The following TRAPPC4 variants were observed in gnomAD, a reference collection of about 807,000 sequenced individuals.
The protein encoded by TRAPPC4 is TRS23 homolog.
In TRAPPC4, 30 loss-of-function variants were observed where a neutral mutation model predicts 23.5. That is an observed-to-expected ratio of 1.28 (90% CI 0.96 to 1.73). The LOEUF is 1.73. Ranked by LOEUF, TRAPPC4 falls within the 40% of genes most tolerant of loss-of-function variation. TRAPPC4 has a pLI of 0.00. For synonymous variants in TRAPPC4, 129 were observed against 105.3 expected, an observed-to-expected ratio of 1.23 and a Z score of -1.38; for missense variants, 252 against 268.9, an observed-to-expected ratio of 0.94 and a Z score of 0.44.
chr11:119,019,012 G>A (rs1170931849), intron 1 of TRAPPC4, 42 bp downstream of exon 1: 1 of 1,601,720 alleles, frequency 6.2e-7, no homozygotes, highest in Non-Finnish European at 8.5e-7. Context: ...GGGGTGGGAG[G>A]GCCCCAGTGC....
chr11:119,022,174 A>G (rs1391070877), intron 4 of TRAPPC4, among the ~76,000 whole-genome samples: 1 of 152,096 alleles, frequency 6.6e-6, no homozygotes, highest in African/African-American at 2.4e-5. Context: ...AGTAAAGACA[A>G]GGTTTCACCA....
chr11:119,019,628 G>C (rs551373322), intron 2 of TRAPPC4: 47 of 303,920 alleles, frequency 1.5e-4, no homozygotes, highest in Non-Finnish European at 2.9e-4. Context: ...TTTTAGTAGA[G>C]AGGGGTTTTG....
rs370376818 is a variant in TRAPPC4, at chr11:119,021,801, A to G, written c.496A>G (p.Ile166Val). The change falls in exon 4 of 5, where the codon ATA becomes GTA. Residue 166 changes from isoleucine (I) to valine (V), a missense_variant. By Grantham distance (29) the Ile-to-Val change is conservative. This residue lies in a region of TRAPPC4 where 222 missense variants were observed against 217.8 expected (regional missense o/e 1.02). Coordinates refer to ENST00000533632, the MANE Select transcript of TRAPPC4 (RefSeq NM_016146.6). ...VVLADPRQAG[I>V]DSLLRKIYEI... Reference sequence around the variant, plus strand: ...TCTAGCAGATCCTAGGCAAGCTGGAATAGATTCTCTTCTCCGAAAGATTTA... The same window carrying G: ...TCTAGCAGATCCTAGGCAAGCTGGAGTAGATTCTCTTCTCCGAAAGATTTA... 72 of 1,614,046 alleles carry G rather than the reference A, an allele frequency of 4.5e-5. No homozygotes were observed. The highest frequency in any genetic ancestry group is 5.8e-5 in the Non-Finnish European group (69 of 1,180,016).
intron 1 of TRAPPC4, 75 bp downstream of exon 1, chr11:119,019,045 G>A (rs782675643): frequency 2.5e-5 from 40 of 1,589,262 alleles, no homozygotes; most frequent in Non-Finnish European, 7.7e-6. Context: ...CTGGTTGTAG[G>A]TGCGGGGTTG....
chr11:119,020,185 A>G lies in TRAPPC4; in HGVS notation c.386A>G (p.Gln129Arg), dbSNP rs1943312770. Residue 129 changes from glutamine to arginine, a missense_variant, in exon 3 of 5, where the codon CAG becomes CGG. Gln to Arg is a conservative substitution (Grantham distance 43). This residue lies in a region of TRAPPC4 where 222 missense variants were observed against 217.8 expected (regional missense o/e 1.02). Transcript: ENST00000533632. Reference sequence around the variant, plus strand: ...ATCGGCTCCCAGCTGTCTCCTGAACAGGGAAGCTCAGGCATTGAGATGCTG... The same window carrying G: ...ATCGGCTCCCAGCTGTCTCCTGAACGGGGAAGCTCAGGCATTGAGATGCTG... ...FAIGSQLSPEQGSSGIEMLET... is the reference protein window; with the variant it reads ...FAIGSQLSPERGSSGIEMLET... The G allele has an allele frequency of 6.2e-7, 1 of 1,613,914 alleles. No homozygotes were observed. Among genetic ancestry groups the G allele is most frequent in the African/African-American group, 1.3e-5 (1 of 74,934 alleles).
chr11:119,019,548 T>G, intron 2 of TRAPPC4: 1 of 492,818 alleles, frequency 2.0e-6, no homozygotes, highest in Non-Finnish European at 3.6e-6. Context: ...TTCAAGCGAT[T>G]CTCCTGCCTC....
intron 3 of TRAPPC4, 112 bp downstream of exon 3, chr11:119,020,365 AG>A (rs1338311433): frequency 1.2e-6 from 1 of 811,748 alleles, no homozygotes; most frequent in Non-Finnish European, 2.0e-6. Flanking sequence ...AGGTGGGAGG[AG>A]GGGGTTGACC....
intron 3 of TRAPPC4, chr11:119,021,470 C>T (rs886340679): frequency 3.3e-5 from 9 of 272,166 alleles, no homozygotes; most frequent in Admixed American, 1.5e-4. Context: ...TGACTTTGTC[C>T]CCTGCCTGGC....
At position 119,018,885 on chromosome 11, in the gene TRAPPC4, A is replaced by G; in HGVS notation, c.90A>G (p.Lys30=). 6.2e-7 allele frequency: 1 copy of G among 1,614,124 alleles called. No homozygotes were observed. Among genetic ancestry groups the G allele is most frequent in the Non-Finnish European group, 8.5e-7 (1 of 1,180,028 alleles). The change falls in exon 1 of 5, where the codon AAA becomes AAG. Residue 30 remains lysine (K), a synonymous_variant. Transcript: ENST00000533632. ...DSYAPRAEAE[K]TFSYPLDLLL... The stretch of plus-strand genomic sequence containing the variant: ...ACGCGCCACGGGCTGAGGCTGAGAA[A>G]ACTTTCAGTTATCCGCTGGATCTGC...
Position 119,019,446 on chromosome 11 carries a change from T to C in TRAPPC4, c.350+129T>C, listed in dbSNP as rs190609010. 8,728 of 1,062,892 alleles carry C rather than the reference T, an allele frequency of 8.2e-3. 463 individuals carry two copies. The African/African-American group carries it at 0.12, about 15-fold the overall frequency. 65.8% of individuals were successfully genotyped at this position (1,062,892 alleles called of 1,614,324 possible). Reference sequence around the variant, plus strand: ...TTAGGTAATAACGGCAGTGGTGTCATCTTTTTTTGCTGGGTGGGGAGGGGC... The same window carrying C: ...TTAGGTAATAACGGCAGTGGTGTCACCTTTTTTTGCTGGGTGGGGAGGGGC... On this transcript the variant is annotated intron_variant, in intron 2 of 4. Transcript: ENST00000533632.
chr11:119,023,292 T>G lies in TRAPPC4; in HGVS notation c.582-29T>G, dbSNP rs372906901. 33 of 1,608,434 alleles carry G rather than the reference T, an allele frequency of 2.1e-5. No homozygotes were observed. The African/African-American group carries it at 4.0e-4, about 20-fold the overall frequency. On this transcript the variant is annotated intron_variant, in intron 4 of 4. Coordinates refer to ENST00000533632, the MANE Select transcript of TRAPPC4 (RefSeq NM_016146.6). ...GGGGAGAAAGCCTCAGGCCTCACAC[T>G]TTTTTTCCTCACCCTGGGCCCGGCT...
rs761356939 is a variant in TRAPPC4 at position 119,019,320 on chromosome 11, A to G, written c.350+3A>G. The G allele has an allele frequency of 6.2e-7, 1 of 1,610,524 alleles. No individual in the cohort carries two copies. Among genetic ancestry groups the G allele is most frequent in the Admixed American group, 1.7e-5 (1 of 59,854 alleles). ...ATGCTGGCCTCCATGTTCCACTCGT[A>G]AGTCCCCCGTCTCCTGAACGGCAGC... On this transcript the variant is annotated splice_donor_region_variant and intron_variant, in intron 2 of 4. Coordinates refer to ENST00000533632, the MANE Select transcript of TRAPPC4 (RefSeq NM_016146.6).
At chr11:119,021,721 G>C (rs1324326315) in intron 3 of TRAPPC4, 39 bp from the exon 4 acceptor site, 3 of 1,611,028 alleles carry the variant, frequency 1.9e-6, no homozygotes, top group Non-Finnish European at 2.5e-6. Flanking sequence ...ATTTGCTCCA[G>C]TGTCTACGCT....
At chr11:119,019,359 C>G in intron 2 of TRAPPC4, 42 bp downstream of exon 2, 1 of 1,580,932 alleles carries the variant, frequency 6.3e-7, no homozygotes, top group Admixed American at 1.8e-5. Flanking sequence ...TGTAATTTGT[C>G]TACCTTTTCT....
At chr11:119,021,935 CCT>C in intron 4 of TRAPPC4, 49 bp downstream of exon 4, 1 of 1,602,958 alleles carries the variant, frequency 6.2e-7, no homozygotes, top group Non-Finnish European at 8.5e-7. Context: ...CTTGCCCCTC[CCT>C]GTGTGCTCTG....
chr11:119,019,104 G>A (rs376693353), intron 1 of TRAPPC4, 39 bp from the exon 2 acceptor site: 2 of 1,603,998 alleles, frequency 1.2e-6, no homozygotes, highest in Admixed American at 1.7e-5. Flanking sequence ...CGGAATCCCC[G>A]GGCTGCACCT....
intron 4 of TRAPPC4, among the ~76,000 whole-genome samples, chr11:119,022,284 G>A (rs1054576909): frequency 1.3e-5 from 2 of 152,102 alleles, no homozygotes; most frequent in African/African-American, 4.8e-5. Flanking sequence ...GCGCCCGGCC[G>A]AGTATTACTT....
intron 3 of TRAPPC4, 188 bp downstream of exon 3, chr11:119,020,441 G>T (rs1458291852): frequency 1.4e-4 from 73 of 518,354 alleles, no homozygotes; most frequent in Non-Finnish European, 5.9e-5. Context: ...TTTTTTTTTT[G>T]AAATGTTTCA....
rs190875163 is a variant in TRAPPC4, at chr11:119,019,024, G to A, written c.175+54G>A. 271 of 1,595,570 alleles carry A rather than the reference G, an allele frequency of 1.7e-4. No individual in the cohort carries two copies. The African/African-American group carries it at 3.0e-3, about 18-fold the overall frequency. Reference sequence around the variant, plus strand: ...GCGGGGGTGGGAGGGCCCCAGTGCTGTAGAAGTGGGCTGGTTGTAGGTGCG... The same window carrying A: ...GCGGGGGTGGGAGGGCCCCAGTGCTATAGAAGTGGGCTGGTTGTAGGTGCG... On this transcript the variant is annotated intron_variant, in intron 1 of 4. Coordinates refer to ENST00000533632, the MANE Select transcript of TRAPPC4 (RefSeq NM_016146.6).
Sources: allele counts gnomAD v4.1 joint callset (sites outside exome capture counted in the v4.1 genomes callset), GRCh38; gene constraint gnomAD v4.1.1; regional missense constraint gnomAD v4.1.1; transcripts MANE v1.5; gene names NCBI Gene and HGNC (gene_info 2026-07-23, HGNC 2026-07-21).